ZFHX3: variants seen among roughly 807,000 people sequenced by gnomAD.
ZFHX3 encodes zinc finger homeobox 3, also known as zinc finger homeobox protein 3.
A neutral mutation model predicts 279.1 loss-of-function variants in ZFHX3; 42 were observed. That is an observed-to-expected ratio of 0.15 (90% CI 0.12 to 0.19). The LOEUF (loss-of-function observed/expected upper bound fraction) is 0.19. Ranked by LOEUF, ZFHX3 falls within the 10% of genes least tolerant of loss-of-function variation. The probability of loss-of-function intolerance (pLI) is 1.00; values close to 1 mark genes in which losing one functional copy is unlikely to be tolerated. For missense variants in ZFHX3, 4,981 were observed against 4,754.0 expected, an observed-to-expected ratio of 1.05 and a Z score of -1.40; for synonymous variants, 2,293 against 1,957.8, an observed-to-expected ratio of 1.17 and a Z score of -4.52.
intron 1 of ZFHX3, among the ~76,000 whole-genome samples, chr16:73,733,407 A>G (rs1249093564): frequency 2.0e-5 from 3 of 152,204 alleles, no homozygotes; most frequent in African/African-American, 7.2e-5. Context: ...GTTTTTCTCA[A>G]TTAATTTTAC....
intron 4 of ZFHX3, among the ~76,000 whole-genome samples, chr16:72,875,904 G>A (rs1056480757): frequency 6.6e-6 from 1 of 152,158 alleles, no homozygotes; most frequent in African/African-American, 2.4e-5. Flanking sequence ...GAGAGGGGAG[G>A]CCACAGTGAA....
intron 2 of ZFHX3, among the ~76,000 whole-genome samples, chr16:73,458,872 C>T (rs989175099): frequency 1.3e-5 from 2 of 152,166 alleles, no homozygotes; most frequent in African/African-American, 4.8e-5. Context: ...ATATTAGTAA[C>T]AACTGAAACC....
At chr16:73,868,458 AG>A (rs756636183) in intron 1 of ZFHX3, among the ~76,000 whole-genome samples, 1 of 152,270 alleles carries the variant, frequency 6.6e-6, no homozygotes, top group Non-Finnish European at 1.5e-5. Flanking sequence ...TGGGAGGCAG[AG>A]GTTGCAGTGA....
intron 3 of ZFHX3, among the ~76,000 whole-genome samples, chr16:72,933,631 C>T (rs1009884080): frequency 1.2e-4 from 19 of 152,080 alleles, no homozygotes; most frequent in African/African-American, 4.6e-4. Flanking sequence ...AAGCAGTACA[C>T]TCCACCCCTC....
chr16:73,146,080 A>G (rs958619291), intron 5 of ZFHX3, among the ~76,000 whole-genome samples: 1 of 152,198 alleles, frequency 6.6e-6, no homozygotes, highest in Non-Finnish European at 1.5e-5. Flanking sequence ...ATTTCCCAAG[A>G]TAGTATGAAT....
intron 1 of ZFHX3, among the ~76,000 whole-genome samples, chr16:73,885,028 G>T (rs1473199470): frequency 6.6e-6 from 1 of 152,096 alleles, no homozygotes; most frequent in Non-Finnish European, 1.5e-5. Context: ...ATAATAAACA[G>T]AGACATCCCC....
At chr16:72,858,183 G>A (rs936234751) in intron 4 of ZFHX3, among the ~76,000 whole-genome samples, 5 of 152,340 alleles carry the variant, frequency 3.3e-5, no homozygotes, top group Non-Finnish European at 4.4e-5. Flanking sequence ...ACAAGCAGCC[G>A]TGGAAGAAAT....
chr16:73,806,268 C>T (rs187560357), intron 1 of ZFHX3, among the ~76,000 whole-genome samples: 1 of 152,148 alleles, frequency 6.6e-6, no homozygotes. Context: ...CATACCAGAG[C>T]ACATCTGGAG....
rs752210179 is a variant in ZFHX3, at chr16:72,794,948, A to G, written c.7734T>C (p.Asp2578=). ...RSLDMPFMLF[D]PSNPLLASQL... is the part of the protein sequence containing the mutation. ...GGCTGGCCAGGAGTGGGTTACTGGGATCAAAGAGCATGAAAGGCATATCCA... is the reference window on the plus strand; with the variant it reads ...GGCTGGCCAGGAGTGGGTTACTGGGGTCAAAGAGCATGAAAGGCATATCCA... The change falls in exon 9 of 10, where the codon GAT becomes GAC. Residue 2578 remains aspartate (D), a synonymous_variant. Coordinates refer to ENST00000268489, the MANE Select transcript of ZFHX3 (RefSeq NM_006885.4). This position sits in a 1 kb window ranked among gnomAD's most constrained non-coding sequence, Gnocchi z 4.2. 6 of 1,613,962 alleles carry G rather than the reference A, an allele frequency of 3.7e-6. No homozygotes were observed. The African/African-American group carries it at 8.0e-5, about 22-fold the overall frequency.
At chr16:73,479,124 G>T (rs1437890707) in intron 2 of ZFHX3, among the ~76,000 whole-genome samples, 1 of 152,136 alleles carries the variant, frequency 6.6e-6, no homozygotes, top group Admixed American at 6.6e-5. Context: ...CTGCAGAGTG[G>T]TTCTGCCCTA....
At chr16:73,069,539 G>GA (rs777329939) in intron 8 of ZFHX3, among the ~76,000 whole-genome samples, 1 of 152,192 alleles carries the variant, frequency 6.6e-6, no homozygotes, top group Non-Finnish European at 1.5e-5. Context: ...AGAAATGAGG[G>GA]AGAGAATAAG....
chr16:73,315,038 G>A (rs2143176828), intron 4 of ZFHX3, among the ~76,000 whole-genome samples: 1 of 152,092 alleles, frequency 6.6e-6, no homozygotes, highest in East Asian at 1.9e-4. Context: ...TACCAGACTG[G>A]CCAACGTAGT....
chr16:72,808,680 T>C (rs575332302), intron 7 of ZFHX3, among the ~76,000 whole-genome samples: 8 of 152,252 alleles, frequency 5.3e-5, no homozygotes, highest in East Asian at 1.9e-4. Context: ...ATGAGGAACA[T>C]AGAGGTTTCT....
chr16:73,180,448 A>T (rs1489556209), intron 5 of ZFHX3, among the ~76,000 whole-genome samples: 1 of 152,232 alleles, frequency 6.6e-6, no homozygotes, highest in Admixed American at 6.5e-5. Context: ...CTGAGGCTAC[A>T]AATACAGAAG....
At chr16:72,835,100 A>C (rs1345738665) in intron 4 of ZFHX3, among the ~76,000 whole-genome samples, 1 of 152,176 alleles carries the variant, frequency 6.6e-6, no homozygotes, top group Admixed American at 6.5e-5. Context: ...ATAATACACC[A>C]ATCTGTGATC....
chr16:73,454,309 A>G (rs1489966973), intron 3 of ZFHX3, among the ~76,000 whole-genome samples: 1 of 152,150 alleles, frequency 6.6e-6, no homozygotes, highest in African/African-American at 2.4e-5. Flanking sequence ...AGACAGAACC[A>G]TGTTCCACCC....
intron 1 of ZFHX3, among the ~76,000 whole-genome samples, chr16:72,992,890 ACT>A (rs1963147811): frequency 6.6e-6 from 1 of 152,140 alleles, no homozygotes; most frequent in Non-Finnish European, 1.5e-5. Flanking sequence ...TAATCCTAGC[ACT>A]CTGGGAGGCT....
Position 72,797,501 on chromosome 16 carries a change from C to T in ZFHX3, c.5181G>A (p.Gln1727=), listed in dbSNP as rs1393132406. 1 of 1,613,380 alleles carries T rather than the reference C, an allele frequency of 6.2e-7. No individual in the cohort carries two copies. The highest frequency in any genetic ancestry group is 8.5e-7 in the Non-Finnish European group (1 of 1,179,654). Reference sequence around the variant, plus strand: ...GTTGTTGTTGTTGCTGTTGCTGCTGCTGTTGTTGCTGCTGCCTGGATGCAA... The same window carrying T: ...GTTGTTGTTGTTGCTGTTGCTGCTGTTGTTGTTGCTGCTGCCTGGATGCAA... ...DMIASRQQQQ[Q]QQQQQQQQQQ... is the part of the protein sequence containing the mutation. Residue 1727 remains glutamine, a synonymous_variant, in exon 9 of 10, where the codon CAG becomes CAA. Transcript: ENST00000268489.
intron 1 of ZFHX3, among the ~76,000 whole-genome samples, chr16:73,001,297 A>G (rs1318461349): frequency 1.3e-5 from 2 of 152,160 alleles, no homozygotes; most frequent in African/African-American, 2.4e-5. Flanking sequence ...CGTGTGTGTG[A>G]GCACAGATTT....
Sources: gnomAD v4.1 joint callset for allele counts (sites outside exome capture counted in the v4.1 genomes callset) on GRCh38, gnomAD v4.1.1 for gene constraint, Gnocchi (gnomAD v3.1) non-coding constraint, MANE v1.5 for transcripts, NCBI Gene and HGNC (gene_info 2026-07-23, HGNC 2026-07-21) for gene names.